The following APOLD1 variants were observed in gnomAD, a reference collection of about 807,000 sequenced individuals.
APOLD1 encodes apolipoprotein L domain containing 1.
A neutral mutation model predicts 15.3 loss-of-function variants in APOLD1; 22 were observed. The ratio of observed to expected loss-of-function variants is 1.44; its 90% confidence interval spans 1.03 to 2.05. The LOEUF is 2.05. Ranked by LOEUF, APOLD1 falls within the 30% of genes most tolerant of loss-of-function variation. The pLI is 0.00. For missense variants in APOLD1, 394 were observed against 353.5 expected, an observed-to-expected ratio of 1.11 and a Z score of -0.92; for synonymous variants, 190 against 167.4, an observed-to-expected ratio of 1.13 and a Z score of -1.04.
intron 1 of APOLD1, among the ~76,000 whole-genome samples, chr12:12,746,936 C>T (rs1364465592): frequency 6.6e-6 from 1 of 152,094 alleles, no homozygotes; most frequent in Non-Finnish European, 1.5e-5. Context: ...GGTTAATGGT[C>T]CCCAGCTACA....
At chr12:12,737,759 T>C (rs539125589) in intron 1 of APOLD1, among the ~76,000 whole-genome samples, 2 of 152,302 alleles carry the variant, frequency 1.3e-5, no homozygotes, top group East Asian at 3.9e-4. Flanking sequence ...GTTAACTACC[T>C]GAGTAGAGCT....
At chr12:12,738,307 C>T (rs1946705618) in intron 1 of APOLD1, among the ~76,000 whole-genome samples, 1 of 150,750 alleles carries the variant, frequency 6.6e-6, no homozygotes, top group Non-Finnish European at 1.5e-5. Context: ...CTCTTGGGCT[C>T]AGGCAGTCCT....
Position 12,787,207 on chromosome 12 carries a change from T to C in APOLD1, c.302T>C (p.Val101Ala), listed in dbSNP as rs1947137367. The change falls in exon 2 of 2, where the codon GTC becomes GCC. Residue 101 changes from valine to alanine, a missense_variant. Physicochemically the swap from Val to Ala is moderately conservative, Grantham distance 64. Coordinates refer to ENST00000356591, the MANE Select transcript of APOLD1 (RefSeq NM_030817.3). This position sits in a 1 kb window ranked among gnomAD's most constrained non-coding sequence, Gnocchi z 4.9. The part of the protein sequence containing the change: ...GLGVATAGGA[V>A]TITSDLSLIF... Reference sequence around the variant, plus strand: ...GGGGTGGCCACAGCCGGAGGGGCCGTCACCATCACGTCCGATCTCTCGCTG... The same window carrying C: ...GGGGTGGCCACAGCCGGAGGGGCCGCCACCATCACGTCCGATCTCTCGCTG... 1.3e-6 allele frequency: 2 copies of C among 1,553,140 alleles called. No homozygotes were observed. Among genetic ancestry groups the C allele is most frequent in the Admixed American group, 1.8e-5 (1 of 54,258 alleles).
chr12:12,735,974 T>C (rs1946681880), intron 1 of APOLD1, among the ~76,000 whole-genome samples: 1 of 151,938 alleles, frequency 6.6e-6, no homozygotes, highest in South Asian at 2.1e-4. Flanking sequence ...AGCTCACACC[T>C]GTAATGTCAG....
At chr12:12,758,171 C>T (rs188671597) in intron 1 of APOLD1, among the ~76,000 whole-genome samples, 2,873 of 150,102 alleles carry the variant, frequency 0.019, 37 homozygotes, top group South Asian at 0.032. Context: ...CTCCTGACCT[C>T]GTGATCTGCC....
At chr12:12,785,747 C>G in intron 1 of APOLD1, 53 bp downstream of exon 1, 1 of 1,559,646 alleles carries the variant, frequency 6.4e-7, no homozygotes, top group Admixed American at 1.7e-5. Context: ...CTCATTTTCT[C>G]TTTTCACCTG....
intron 1 of APOLD1, among the ~76,000 whole-genome samples, chr12:12,768,161 C>T (rs1946955218): frequency 6.6e-6 from 1 of 151,996 alleles, no homozygotes; most frequent in Non-Finnish European, 1.5e-5. Flanking sequence ...ACCAAACTCC[C>T]ATGGATGCTG....
At chr12:12,783,401 C>G (rs1442813481), upstream of APOLD1, among the ~76,000 whole-genome samples, 3 of 151,358 alleles carry the variant, frequency 2.0e-5, no homozygotes, top group Non-Finnish European at 4.4e-5. Flanking sequence ...ACTGCTGCCT[C>G]CCAGGTTCAA....
chr12:12,736,259 G>A (rs1251719000), intron 1 of APOLD1, among the ~76,000 whole-genome samples: 5 of 152,190 alleles, frequency 3.3e-5, no homozygotes, highest in Admixed American at 3.3e-4. Flanking sequence ...GCTGAGGCAG[G>A]AGAACTGCTT....
intron 1 of APOLD1, among the ~76,000 whole-genome samples, chr12:12,727,760 CT>C (rs34995291): frequency 0.2 from 27,682 of 137,816 alleles, 2,718 homozygotes; most frequent in Non-Finnish European, 0.23. Flanking sequence ...GCTCTGAAAC[CT>C]TTTTTTTTTT....
chr12:12,726,188 T>C (rs949902010), intron 1 of APOLD1: 2 of 680,428 alleles, frequency 2.9e-6, no homozygotes, highest in African/African-American at 2.6e-5. Flanking sequence ...AAAGAGGAAA[T>C]AGAGGAAAAA....
chr12:12,774,091 T>A (rs1947009308), intron 1 of APOLD1, among the ~76,000 whole-genome samples: 1 of 152,154 alleles, frequency 6.6e-6, no homozygotes, highest in African/African-American at 2.4e-5. Context: ...ATTGGTAAAC[T>A]GGACTTTATT....
At chr12:12,767,107 G>A (rs529409021) in intron 1 of APOLD1, among the ~76,000 whole-genome samples, 12 of 151,986 alleles carry the variant, frequency 7.9e-5, no homozygotes, top group African/African-American at 2.9e-4. Context: ...TCAGCCGGGT[G>A]TGGTGGTGCA....
At chr12:12,746,488 C>T (rs1342398649) in intron 1 of APOLD1, among the ~76,000 whole-genome samples, 3 of 82,392 alleles carry the variant, frequency 3.6e-5, no homozygotes, top group Non-Finnish European at 7.9e-5. Flanking sequence ...AAGAGTGAAA[C>T]TCCATCTCAA....
At chr12:12,759,904 G>T (rs911820330) in intron 1 of APOLD1, among the ~76,000 whole-genome samples, 8 of 152,148 alleles carry the variant, frequency 5.3e-5, no homozygotes, top group Non-Finnish European at 1.0e-4. Context: ...TAAAACCCTA[G>T]AAGAGTCTAT....
At chr12:12,741,746 A>G (rs1946730608) in intron 1 of APOLD1, among the ~76,000 whole-genome samples, 1 of 152,208 alleles carries the variant, frequency 6.6e-6, no homozygotes, top group African/African-American at 2.4e-5. Context: ...TTTGTGGAGC[A>G]CTCAGTGTGT....
At position 12,786,775 on chromosome 12, in the gene APOLD1, A is replaced by G. The variant is rs190611155; in HGVS notation, c.4-134A>G. On this transcript the variant is annotated intron_variant, in intron 1 of 1. Coordinates refer to ENST00000356591, the MANE Select transcript of APOLD1 (RefSeq NM_030817.3). The stretch of plus-strand genomic sequence containing the variant: ...ACTCGTCTCATGATCCACTGGAAAC[A>G]GACCCGTTCCCCTAGCGTGGCAGTG... The G allele has an allele frequency of 2.3e-5, 30 of 1,298,430 alleles. No homozygotes were observed. The African/African-American group carries it at 3.7e-4, about 16-fold the overall frequency. The allele number at this position is 1,298,430 out of a possible 1,614,324, so 80.4% of individuals were successfully genotyped here.
At chr12:12,747,639 A>G (rs1426114995) in intron 1 of APOLD1, among the ~76,000 whole-genome samples, 2 of 152,236 alleles carry the variant, frequency 1.3e-5, no homozygotes, top group African/African-American at 4.8e-5. Context: ...GGAATAAACT[A>G]ATAATTTGAT....
At chr12:12,782,631 C>T (rs774662683), upstream of APOLD1, among the ~76,000 whole-genome samples, 6 of 152,142 alleles carry the variant, frequency 3.9e-5, no homozygotes, top group Non-Finnish European at 7.3e-5. Flanking sequence ...GGTGCCATTG[C>T]ACTCCCACTT....
Sources: gnomAD v4.1 joint callset for allele counts (sites outside exome capture counted in the v4.1 genomes callset) on GRCh38, gnomAD v4.1.1 for gene constraint, Gnocchi (gnomAD v3.1) non-coding constraint, MANE v1.5 for transcripts, NCBI Gene and HGNC (gene_info 2026-07-23, HGNC 2026-07-21) for gene names.